The following LYPD6B variants were observed in gnomAD, a reference collection of about 807,000 sequenced individuals.
The protein encoded by LYPD6B is LY6/PLAUR domain containing 6B.
LYPD6B carries 17 observed loss-of-function variants against 22.8 expected under a neutral mutation model. That is an observed-to-expected ratio of 0.75 (90% CI 0.51 to 1.12). LYPD6B has a LOEUF of 1.12. Among genes scored for constraint, LYPD6B ranks in the 50% most tolerant of loss-of-function variants. LYPD6B has a pLI of 0.00. For synonymous variants in LYPD6B, 106 were observed against 91.6 expected (o/e 1.16, Z -0.90); for missense variants, 221 against 258.3 (o/e 0.86, Z 0.99).
At chr2:149,166,333 T>A (rs1230098415) in intron 3 of LYPD6B, among the ~76,000 whole-genome samples, 1 of 152,132 alleles carries the variant, frequency 6.6e-6, no homozygotes, top group South Asian at 2.1e-4. Flanking sequence ...TTGCTGACAT[T>A]TTTGAGGTCA....
intron 2 of LYPD6B, among the ~76,000 whole-genome samples, chr2:149,137,692 A>ATACT (rs1688451501): frequency 6.6e-6 from 1 of 152,186 alleles, no homozygotes; most frequent in Non-Finnish European, 1.5e-5. Context: ...TTTTGTTAGT[A>ATACT]GACATTTAGA....
At chr2:149,125,084 T>C (rs1575015318) in intron 1 of LYPD6B, among the ~76,000 whole-genome samples, 2 of 152,124 alleles carry the variant, frequency 1.3e-5, no homozygotes, top group East Asian at 3.9e-4. Context: ...CAGGAGGAAA[T>C]TGGGTTCTCC....
intron 2 of LYPD6B, among the ~76,000 whole-genome samples, chr2:149,138,000 C>T (rs1187251771): frequency 1.3e-5 from 2 of 152,098 alleles, no homozygotes; most frequent in African/African-American, 4.8e-5. Flanking sequence ...CATTAAATTC[C>T]AAGATTCAGA....
intron 3 of LYPD6B, among the ~76,000 whole-genome samples, chr2:149,165,146 C>A (rs946050454): frequency 3.9e-5 from 6 of 152,130 alleles, no homozygotes; most frequent in African/African-American, 1.4e-4. Context: ...CCTCCAATAG[C>A]CTAGCTCAGC....
At chr2:149,154,011 G>T (rs1469885156) in intron 2 of LYPD6B, 1 of 938,224 alleles carries the variant, frequency 1.1e-6, no homozygotes. Context: ...CTCCTGACTA[G>T]GAGGATGGTG....
chr2:149,183,879 A>G (rs1228427978), intron 3 of LYPD6B, among the ~76,000 whole-genome samples: 3 of 151,820 alleles, frequency 2.0e-5, no homozygotes, highest in Non-Finnish European at 2.9e-5. Context: ...ATATATATAT[A>G]TGCCTGTATT....
At chr2:149,147,968 G>A (rs759214053) in intron 2 of LYPD6B, among the ~76,000 whole-genome samples, 13 of 144,868 alleles carry the variant, frequency 9.0e-5, no homozygotes, top group Non-Finnish European at 1.5e-4. Flanking sequence ...GTAGTCATGT[G>A]TTCTGAGCTA....
chr2:149,212,885 C>G, intron 5 of LYPD6B, 107 bp from the exon 6 acceptor site: 1 of 1,133,128 alleles, frequency 8.8e-7, no homozygotes, highest in East Asian at 2.6e-5. Context: ...CCAGGACTGG[C>G]CTGAATTTGA....
At chr2:149,180,929 T>C (rs143843052) in intron 3 of LYPD6B, among the ~76,000 whole-genome samples, 3 of 152,352 alleles carry the variant, frequency 2.0e-5, no homozygotes, top group African/African-American at 7.2e-5. Context: ...GACCAGGCCC[T>C]GTACTTCTCT....
intron 1 of LYPD6B, among the ~76,000 whole-genome samples, chr2:149,061,970 A>G (rs1350192044): frequency 6.6e-6 from 1 of 151,046 alleles, no homozygotes; most frequent in East Asian, 1.9e-4. Context: ...ACATCGTAGA[A>G]TCTTTTTTTT....
At chr2:149,212,220 C>A (rs545564919) in intron 5 of LYPD6B, among the ~76,000 whole-genome samples, 69 of 139,872 alleles carry the variant, frequency 4.9e-4, no homozygotes, top group African/African-American at 1.1e-3. Context: ...TACTAAAAAT[C>A]AAAAAAAAAA....
At chr2:149,126,558 A>G (rs944867126) in intron 1 of LYPD6B, among the ~76,000 whole-genome samples, 2 of 151,052 alleles carry the variant, frequency 1.3e-5, no homozygotes, top group Non-Finnish European at 1.5e-5. Flanking sequence ...TCATCTTTAC[A>G]TTGAGTCAGC....
chr2:149,141,068 C>G (rs1688663342), intron 2 of LYPD6B, among the ~76,000 whole-genome samples: 1 of 152,108 alleles, frequency 6.6e-6, no homozygotes, highest in African/African-American at 2.4e-5. Flanking sequence ...GAGAGGCCAA[C>G]AAAAATCATC....
At chr2:149,208,502 T>G in intron 5 of LYPD6B, 90 bp downstream of exon 5, 1 of 1,093,878 alleles carries the variant, frequency 9.1e-7, no homozygotes. Flanking sequence ...TCAGATGTAT[T>G]TTTTTCTGAG....
chr2:149,047,128 G>C (rs933140764), intron 1 of LYPD6B, among the ~76,000 whole-genome samples: 1 of 152,120 alleles, frequency 6.6e-6, no homozygotes, highest in Non-Finnish European at 1.5e-5. Flanking sequence ...AATTTTGTTT[G>C]ATTTTCATTT....
chr2:149,097,135 G>A (rs1040111247), intron 1 of LYPD6B, among the ~76,000 whole-genome samples: 1 of 152,224 alleles, frequency 6.6e-6, no homozygotes, highest in Non-Finnish European at 1.5e-5. Context: ...CTGTAGGCAC[G>A]CTGCTCCCAT....
chr2:149,098,864 A>T (rs1204643971), intron 1 of LYPD6B, among the ~76,000 whole-genome samples: 4 of 151,838 alleles, frequency 2.6e-5, no homozygotes, highest in African/African-American at 9.7e-5. Context: ...CACTTTTACA[A>T]GGCTCCCAAA....
chr2:149,155,664 C>T (rs1278748503), intron 2 of LYPD6B, among the ~76,000 whole-genome samples: 2 of 152,202 alleles, frequency 1.3e-5, no homozygotes, highest in African/African-American at 2.4e-5. Context: ...CTCATTCTAC[C>T]ACTGTCACTT....
chr2:149,171,528 A>AT (rs10659168), intron 3 of LYPD6B, among the ~76,000 whole-genome samples: 3,011 of 143,310 alleles, frequency 0.021, 45 homozygotes, highest in East Asian at 0.046. Flanking sequence ...TTGAAGTCTG[A>AT]TTTTTTTTTT....
Sources: allele counts gnomAD v4.1 joint callset (sites outside exome capture counted in the v4.1 genomes callset), GRCh38; gene constraint gnomAD v4.1.1; transcripts MANE v1.5; gene names NCBI Gene and HGNC (gene_info 2026-07-23, HGNC 2026-07-21).